DNAI1: variants seen among roughly 807,000 people sequenced by gnomAD.
DNAI1 encodes dynein, axonemal, intermediate polypeptide 1.
Under a neutral mutation model 92.0 loss-of-function variants are expected in DNAI1, and 67 were observed. The ratio of observed to expected loss-of-function variants is 0.73; its 90% confidence interval spans 0.60 to 0.89. DNAI1 has a LOEUF of 0.89. Among genes scored for constraint, DNAI1 ranks in the 40% least tolerant of loss-of-function variants. The pLI, the probability that DNAI1 is intolerant of heterozygous loss-of-function variation, is 0.00. For missense variants in DNAI1, 839 were observed against 866.6 expected (o/e 0.97, Z 0.40); for synonymous variants, 323 against 319.6 (o/e 1.01, Z -0.11).
At chr9:34,461,018 T>C (rs559592961) in intron 1 of DNAI1, among the ~76,000 whole-genome samples, 41 of 152,110 alleles carry the variant, frequency 2.7e-4, no homozygotes, top group Non-Finnish European at 4.7e-4. Context: ...TTTTTTTGTA[T>C]TTTTGGTAGA....
chr9:34,491,731 C>G (rs763408593), intron 8 of DNAI1, among the ~76,000 whole-genome samples, 177 bp downstream of exon 8: 1 of 152,216 alleles, frequency 6.6e-6, no homozygotes, highest in Non-Finnish European at 1.5e-5. Context: ...GCACATGAGA[C>G]AGTAGGTCCC....
At chr9:34,497,254 T>C in intron 10 of DNAI1, 55 bp downstream of exon 10, 1 of 1,459,632 alleles carries the variant, frequency 6.9e-7, no homozygotes, top group South Asian at 1.1e-5. Context: ...AAATTTCTCA[T>C]AAAAGCTTGG....
At chr9:34,503,343 C>A (rs1824868995) in intron 12 of DNAI1, among the ~76,000 whole-genome samples, 1 of 152,158 alleles carries the variant, frequency 6.6e-6, no homozygotes, top group Admixed American at 6.5e-5. Flanking sequence ...AGAAGGCACC[C>A]TAGCTGCTGG....
At chr9:34,495,421 C>G (rs1042322338) in intron 9 of DNAI1, among the ~76,000 whole-genome samples, 2 of 152,222 alleles carry the variant, frequency 1.3e-5, no homozygotes, top group African/African-American at 4.8e-5. Context: ...CATTTGTTAG[C>G]TCAGTTTTTC....
At chr9:34,485,367 G>A (rs1824449776) in intron 3 of DNAI1, 70 bp from the exon 4 acceptor site, 1 of 1,585,002 alleles carries the variant, frequency 6.3e-7, no homozygotes, top group Non-Finnish European at 8.7e-7. Context: ...TACTCTGAGG[G>A]ATCCTTCTAA....
At chr9:34,505,394 C>G (rs779632498) in intron 12 of DNAI1, among the ~76,000 whole-genome samples, 2 of 152,158 alleles carry the variant, frequency 1.3e-5, no homozygotes, top group African/African-American at 2.4e-5. Flanking sequence ...TTATAAGAAC[C>G]CTTGTGATTA....
At chr9:34,511,509 C>T (rs1825064146) in intron 13 of DNAI1, among the ~76,000 whole-genome samples, 1 of 152,134 alleles carries the variant, frequency 6.6e-6, no homozygotes, top group Admixed American at 6.5e-5. Context: ...TGCTCCTCTT[C>T]ACCCCCCACT....
At chr9:34,487,214 G>T (rs901433167) in intron 4 of DNAI1, among the ~76,000 whole-genome samples, 10 of 150,818 alleles carry the variant, frequency 6.6e-5, no homozygotes, top group South Asian at 2.1e-4. Context: ...ACTGCGCCTC[G>T]CTCTGTCGCC....
intron 2 of DNAI1, 128 bp downstream of exon 2, chr9:34,483,608 C>G: frequency 1.2e-6 from 1 of 831,488 alleles, no homozygotes; most frequent in Non-Finnish European, 1.9e-6. Flanking sequence ...CACCCTTAAA[C>G]CTACCACCTT....
At chr9:34,502,849 G>C (rs564806921) in intron 12 of DNAI1, among the ~76,000 whole-genome samples, 2 of 152,256 alleles carry the variant, frequency 1.3e-5, no homozygotes, top group South Asian at 2.1e-4. Flanking sequence ...TCTGAGCCTT[G>C]GTTTCTTCGT....
chr9:34,464,329 G>A lies in DNAI1; in HGVS notation c.48+5276G>A, dbSNP rs1266155961. ...ATAGGGACCAGATTTTTAGACAATC[G>A]CTCCAGAGACCTGAATGGGCCTGAG... On this transcript the variant is annotated intron_variant, in intron 1 of 19. Coordinates refer to ENST00000242317, the MANE Select transcript of DNAI1 (RefSeq NM_012144.4). Among the ~76,000 whole-genome samples, 3 of 152,120 alleles carry A rather than the reference G, an allele frequency of 2.0e-5. No homozygotes were observed. The East Asian group carries it at 5.8e-4, about 29-fold the overall frequency.
At chr9:34,464,718 A>G (rs56398505) in intron 1 of DNAI1, among the ~76,000 whole-genome samples, 2,061 of 152,260 alleles carry the variant, frequency 0.014, 38 homozygotes, top group African/African-American at 0.043. Context: ...TTTTGCTTAT[A>G]TCTGTATTCT....
intron 9 of DNAI1, among the ~76,000 whole-genome samples, chr9:34,496,590 G>C (rs1019467685): frequency 6.6e-6 from 1 of 152,170 alleles, no homozygotes; most frequent in Non-Finnish European, 1.5e-5. Context: ...GTTCTGCCTT[G>C]TACTCCATGT....
At chr9:34,464,989 C>T (rs1291253470) in intron 1 of DNAI1, among the ~76,000 whole-genome samples, 1 of 152,064 alleles carries the variant, frequency 6.6e-6, no homozygotes, top group East Asian at 1.9e-4. Context: ...AAATAATATC[C>T]CAGAAGCCAA....
At chr9:34,500,233 G>A (rs1824801327) in intron 10 of DNAI1, among the ~76,000 whole-genome samples, 1 of 152,130 alleles carries the variant, frequency 6.6e-6, no homozygotes, top group Non-Finnish European at 1.5e-5. Flanking sequence ...GAACCCATGG[G>A]GGATCTAGGC....
Position 34,477,987 on chromosome 9 carries a change from A to G in DNAI1, c.49-5461A>G, listed in dbSNP as rs375914510. ...CTGTGACCTCTGCCTCCCGGGTTCA[A>G]GTGATTCTCCTGCCTCAGCCACCTG... On this transcript the variant is annotated intron_variant, in intron 1 of 19. Transcript: ENST00000242317. Among the ~76,000 whole-genome samples the G allele has an allele frequency of 3.8e-5, 5 of 133,158 alleles. No homozygotes were observed. In the South Asian group the frequency reaches 1.2e-3, roughly 31 times the overall value. 87.4% of individuals were successfully genotyped at this position (133,158 alleles called of 152,430 possible). A position where few individuals can be genotyped will look rare whatever the true frequency, so the allele number is the denominator to read the frequency against.
At chr9:34,517,550 A>T (rs1309089810) in intron 19 of DNAI1, 83 bp downstream of exon 19, 1 of 1,538,250 alleles carries the variant, frequency 6.5e-7, no homozygotes, top group African/African-American at 1.4e-5. Context: ...AGCCAGGGTG[A>T]CCACCCAGTT....
chr9:34,497,247 T>G (rs760600681), intron 10 of DNAI1, 48 bp downstream of exon 10: 1 of 1,503,712 alleles, frequency 6.7e-7, no homozygotes, highest in African/African-American at 1.4e-5. Flanking sequence ...GTATTAAAAA[T>G]TTCTCATAAA....
intron 4 of DNAI1, among the ~76,000 whole-genome samples, chr9:34,486,591 G>T (rs757723819): frequency 2.6e-5 from 4 of 152,048 alleles, no homozygotes; most frequent in Admixed American, 6.6e-5. Flanking sequence ...AAGACAAGAA[G>T]AATTTATTTT....
Sources: allele counts gnomAD v4.1 joint callset (sites outside exome capture counted in the v4.1 genomes callset), GRCh38; gene constraint gnomAD v4.1.1; transcripts MANE v1.5; gene names NCBI Gene and HGNC (gene_info 2026-07-23, HGNC 2026-07-21).